Variants in DSCAM observed in about 807,000 individuals in gnomAD.
DSCAM encodes the protein cell adhesion molecule DSCAM.
Under a neutral mutation model 217.7 loss-of-function variants are expected in DSCAM, and 47 were observed. The observed-to-expected ratio is 0.22, with a 90% CI of 0.17 to 0.28. The LOEUF (loss-of-function observed/expected upper bound fraction) is 0.28, where lower values mean the gene tolerates loss of function less well. Among genes scored for constraint, DSCAM ranks in the 10% least tolerant of loss-of-function variants. The pLI, the probability that DSCAM is intolerant of heterozygous loss-of-function variation, is 1.00. For missense variants in DSCAM, 2,080 were observed against 2,618.3 expected (o/e 0.79, Z 4.49); for synonymous variants, 1,056 against 1,015.3 (o/e 1.04, Z -0.76).
At chr21:40,235,337 T>C (rs905231520) in intron 11 of DSCAM, among the ~76,000 whole-genome samples, 3 of 152,140 alleles carry the variant, frequency 2.0e-5, no homozygotes, top group Non-Finnish European at 4.4e-5. Context: ...CCTTATGAAG[T>C]AGGAAAACAC....
At position 40,011,555 on chromosome 21, in the gene DSCAM, T is replaced by C. The variant is rs1405333991; in HGVS notation, c.*1479A>G. The C allele has an allele frequency of 4.6e-5, 7 of 152,174 alleles. No individual in the cohort carries two copies. The highest frequency in any genetic ancestry group is 1.4e-4 in the African/African-American group (6 of 41,444). The allele number at this position is 152,174 out of a possible 1,614,324, so 9.4% of individuals were successfully genotyped here. A position where few individuals can be genotyped will look rare whatever the true frequency, so the allele number is the denominator to read the frequency against. ...ACAAAGACCTGTTTATCTTTCCATT[T>C]TATGGAAGTGAGCCTGGAATGGAGT... On this transcript the variant is annotated 3_prime_UTR_variant, in exon 33 of 33. Transcript: ENST00000400454.
intron 11 of DSCAM, among the ~76,000 whole-genome samples, chr21:40,274,069 C>T (rs1474126262): frequency 2.0e-5 from 3 of 152,128 alleles, no homozygotes; most frequent in African/African-American, 2.4e-5. Flanking sequence ...TCTGTTCCAC[C>T]AGTTGTGTAT....
intron 32 of DSCAM, among the ~76,000 whole-genome samples, chr21:40,039,196 G>C (rs1388287666): frequency 6.6e-6 from 1 of 150,700 alleles, no homozygotes; most frequent in African/African-American, 2.4e-5. Flanking sequence ...AAAAGAATAT[G>C]AACTAAGAAA....
chr21:40,279,058 T>C (rs902178615), intron 10 of DSCAM, among the ~76,000 whole-genome samples: 3 of 152,232 alleles, frequency 2.0e-5, no homozygotes, highest in Admixed American at 1.3e-4. Flanking sequence ...ATATGAATTT[T>C]CATAAAATGA....
chr21:40,705,916 C>A (rs2090710654), intron 2 of DSCAM, among the ~76,000 whole-genome samples: 1 of 152,160 alleles, frequency 6.6e-6, no homozygotes, highest in South Asian at 2.1e-4. Flanking sequence ...CGGGGTCGCT[C>A]ATGCCTGTAA....
intron 3 of DSCAM, among the ~76,000 whole-genome samples, chr21:40,628,040 G>A (rs980483808): frequency 2.0e-5 from 3 of 152,178 alleles, no homozygotes; most frequent in Non-Finnish European, 2.9e-5. Flanking sequence ...ACCTTGTTGT[G>A]TATTTAGTGT....
chr21:40,483,167 A>C (rs1276578856), intron 3 of DSCAM, among the ~76,000 whole-genome samples: 1 of 152,256 alleles, frequency 6.6e-6, no homozygotes, highest in Non-Finnish European at 1.5e-5. Context: ...AAAAGTAAAC[A>C]TGCAGGTGCA....
rs567644994 is a variant in DSCAM, at chr21:40,807,171, T to A, written c.43+39448A>T. Among the ~76,000 whole-genome samples the A allele has an allele frequency of 2.0e-5, 3 of 152,162 alleles. No individual in the cohort carries two copies. The South Asian group carries it at 6.2e-4, about 32-fold the overall frequency. ...AGTGTTTCATAGGAGAAACGTAATATAAGGAAAAACATAAATATTTTATTA... is the reference window on the plus strand; with the variant it reads ...AGTGTTTCATAGGAGAAACGTAATAAAAGGAAAAACATAAATATTTTATTA... On this transcript the variant is annotated intron_variant, in intron 1 of 32. Transcript: ENST00000400454.
At chr21:40,687,837 C>T (rs907231580) in intron 3 of DSCAM, among the ~76,000 whole-genome samples, 6 of 152,162 alleles carry the variant, frequency 3.9e-5, no homozygotes, top group African/African-American at 1.2e-4. Flanking sequence ...AGCATCTCAA[C>T]AGCAGAAACC....
intron 20 of DSCAM, among the ~76,000 whole-genome samples, chr21:40,113,381 C>G (rs2089925588): frequency 6.6e-6 from 1 of 152,124 alleles, no homozygotes. Context: ...GCTAAAAACT[C>G]TCAATAAATT....
intron 3 of DSCAM, among the ~76,000 whole-genome samples, chr21:40,620,296 GAAAA>G (rs2089484170): frequency 4.8e-5 from 2 of 41,684 alleles, no homozygotes; most frequent in South Asian, 6.3e-4. Context: ...AGAGAAAAAA[GAAAA>G]AGAAAGAGAG....
At chr21:40,629,344 T>G (rs1296192119) in intron 3 of DSCAM, among the ~76,000 whole-genome samples, 2 of 152,194 alleles carry the variant, frequency 1.3e-5, no homozygotes, top group Non-Finnish European at 2.9e-5. Flanking sequence ...TGGAAGGGTT[T>G]TGAGTCTCAT....
chr21:40,276,443 G>C (rs1401349315), intron 10 of DSCAM, among the ~76,000 whole-genome samples, 173 bp from the exon 11 acceptor site: 2 of 152,170 alleles, frequency 1.3e-5, no homozygotes, highest in African/African-American at 4.8e-5. Context: ...TTCTTGTTTA[G>C]AGAGAAAAGC....
chr21:40,454,836 G>A (rs1326988276), intron 3 of DSCAM, among the ~76,000 whole-genome samples: 1 of 152,150 alleles, frequency 6.6e-6, no homozygotes, highest in African/African-American at 2.4e-5. Flanking sequence ...CGAGTGTGTG[G>A]CACCATAAAA....
At chr21:40,263,171 G>A (rs1354306866) in intron 11 of DSCAM, among the ~76,000 whole-genome samples, 2 of 152,084 alleles carry the variant, frequency 1.3e-5, no homozygotes, top group African/African-American at 4.8e-5. Flanking sequence ...GAAAACTAAA[G>A]ACAATAAAGA....
chr21:40,690,143 C>T (rs1269141840), intron 3 of DSCAM, among the ~76,000 whole-genome samples: 1 of 152,206 alleles, frequency 6.6e-6, no homozygotes, highest in African/African-American at 2.4e-5. Flanking sequence ...TTATTAAGAT[C>T]TCCAATGTTT....
intron 1 of DSCAM, among the ~76,000 whole-genome samples, chr21:40,807,002 T>C (rs987460661): frequency 2.0e-5 from 3 of 152,058 alleles, no homozygotes; most frequent in African/African-American, 7.2e-5. Flanking sequence ...GAGAAATACC[T>C]AACGTAGATG....
chr21:40,458,574 G>A (rs960234100), intron 3 of DSCAM, among the ~76,000 whole-genome samples: 34 of 151,786 alleles, frequency 2.2e-4, no homozygotes, highest in Non-Finnish European at 1.3e-4. Context: ...TAATAAAAAC[G>A]TAAATACAAG....
rs1188696519 is a variant in DSCAM at position 40,025,992 on chromosome 21, T to A, written c.5687-12606A>T. Among the ~76,000 whole-genome samples, 4 of 145,548 alleles carry A rather than the reference T, an allele frequency of 2.7e-5. No individual in the cohort carries two copies. In the East Asian group the frequency reaches 7.8e-4, roughly 28 times the overall value. On this transcript the variant is annotated intron_variant, in intron 32 of 32. Coordinates refer to ENST00000400454, the MANE Select transcript of DSCAM (RefSeq NM_001389.5). ...GTGTCAATTTTGGATCTTTCCTGCT[T>A]TCTCTTGTGGGCATTTAGTGCTATA...
Sources: gnomAD v4.1 joint callset for allele counts (sites outside exome capture counted in the v4.1 genomes callset) on GRCh38, gnomAD v4.1.1 for gene constraint, MANE v1.5 for transcripts, NCBI Gene and HGNC (gene_info 2026-07-23, HGNC 2026-07-21) for gene names.